The following DACT2 variants were observed in gnomAD, a reference collection of about 807,000 sequenced individuals.
The protein encoded by DACT2 is dishevelled binding antagonist of beta catenin 2.
Under a neutral mutation model 22.2 loss-of-function variants are expected in DACT2, and 20 were observed. The observed-to-expected ratio is 0.90, with a 90% confidence interval of 0.63 to 1.31. DACT2 has a LOEUF of 1.31. Among genes scored for constraint, DACT2 ranks in the 50% most tolerant of loss-of-function variants. The probability of loss-of-function intolerance (pLI) is 0.00; values close to 1 mark genes in which losing one functional copy is unlikely to be tolerated. For synonymous variants in DACT2, 463 were observed against 479.8 expected (o/e 0.96, Z 0.46); for missense variants, 1,048 against 1,061.4 (o/e 0.99, Z 0.18).
chr6:168,315,701 C>A (rs754975194), intron 1 of DACT2, among the ~76,000 whole-genome samples: 2 of 152,176 alleles, frequency 1.3e-5, no homozygotes, highest in African/African-American at 2.4e-5. Flanking sequence ...CTGTTTAAAT[C>A]CCTGCAAATG....
At chr6:168,312,267 C>T (rs1178353868) in intron 1 of DACT2, among the ~76,000 whole-genome samples, 1 of 151,948 alleles carries the variant, frequency 6.6e-6, no homozygotes, top group Admixed American at 6.6e-5. Flanking sequence ...GCGATCACGG[C>T]TCACTGCAGC....
At chr6:168,312,783 G>C (rs771624116) in intron 1 of DACT2, among the ~76,000 whole-genome samples, 1 of 152,154 alleles carries the variant, frequency 6.6e-6, no homozygotes, top group African/African-American at 2.4e-5. Context: ...CCATAACCTA[G>C]GCCTCAGGGA....
At chr6:168,298,775 G>C (rs977961715) in intron 3 of DACT2, 4 of 152,206 alleles carry the variant, frequency 2.6e-5, no homozygotes, top group Admixed American at 2.6e-4. Flanking sequence ...TTGGAAATAA[G>C]AAGCCTGAGG....
At chr6:168,298,863 T>C (rs1472039822) in intron 3 of DACT2, 1 of 152,224 alleles carries the variant, frequency 6.6e-6, no homozygotes, top group Non-Finnish European at 1.5e-5. Context: ...TTTGGTTCTT[T>C]TAGCTTTAAA....
At chr6:168,295,227 T>C (rs545494675) in intron 3 of DACT2, among the ~76,000 whole-genome samples, 1 of 152,376 alleles carries the variant, frequency 6.6e-6, no homozygotes, top group Non-Finnish European at 1.5e-5. Flanking sequence ...AGCCCACTTT[T>C]CCGCAGATAT....
chr6:168,304,836 C>T (rs1009222613), downstream of DACT2, among the ~76,000 whole-genome samples: 9 of 152,194 alleles, frequency 5.9e-5, no homozygotes, highest in African/African-American at 1.4e-4. Context: ...TGCCTGGTCC[C>T]GCAGAACACT....
Position 168,307,640 on chromosome 6 carries a change from C to A in DACT2, c.2117G>T (p.Gly706Val). 6.5e-7 allele frequency: 1 copy of A among 1,547,370 alleles called. No homozygotes were observed. The highest frequency in any genetic ancestry group is 8.7e-7 in the Non-Finnish European group (1 of 1,144,294). ...GTCACAGTCCCTGCTCTGGGCGCCG[C>A]CCTCCTCGTCGCTGCTGCTGGACTC... ...DRESSSSDEE[G>V]GAQSRDCDLA... The change falls in exon 4 of 4, where the codon GGC becomes GTC. Residue 706 changes from glycine to valine, a missense_variant. Gly to Val is a moderately radical substitution (Grantham distance 109). Transcript: ENST00000366795. The surrounding 1 kb of genome is among the most constrained non-coding windows in gnomAD (Gnocchi z 5.3).
At chr6:168,303,604 C>T (rs1395424079), downstream of DACT2, among the ~76,000 whole-genome samples, 2 of 152,178 alleles carry the variant, frequency 1.3e-5, no homozygotes, top group African/African-American at 2.4e-5. Context: ...AACTTTCCAG[C>T]CATGCATATC....
Position 168,309,061 on chromosome 6 carries a change from G to A in DACT2, c.696C>T (p.Leu232=). The change falls in exon 4 of 4, where the codon CTC becomes CTT. Residue 232 remains leucine, a synonymous_variant. Transcript: ENST00000366795. ...LDRALPADTG[L]QKASADAELL... is the part of the protein sequence containing the mutation. Reference sequence around the variant, plus strand: ...GCTCGGCGTCCGCGCTGGCTTTCTGGAGCCCCGTGTCCGCCGGCAGGGCTC... The same window carrying A: ...GCTCGGCGTCCGCGCTGGCTTTCTGAAGCCCCGTGTCCGCCGGCAGGGCTC... 6.5e-7 allele frequency: 1 copy of A among 1,538,362 alleles called. No individual in the cohort carries two copies. The highest frequency in any genetic ancestry group is 8.7e-7 in the Non-Finnish European group (1 of 1,144,508).
At position 168,307,814 on chromosome 6, in the gene DACT2, G is replaced by A; in HGVS notation, c.1943C>T (p.Pro648Leu). ...RAGGPLARGR[P>L]SLVRQDAYTR... ...GTAGGCGTCCTGGCGGACCAGTGAG[G>A]GACGGCCCCGGGCCAGTGGGCCACC... The change falls in exon 4 of 4, where the codon CCC becomes CTC. Residue 648 changes from proline to leucine, a missense_variant. Physicochemically the swap from Pro to Leu is moderately conservative, Grantham distance 98 (BLOSUM62 -3). Transcript: ENST00000366795. This position sits in a 1 kb window ranked among gnomAD's most constrained non-coding sequence, Gnocchi z 5.3. 1.3e-6 allele frequency: 2 copies of A among 1,540,068 alleles called. No homozygotes were observed. Among genetic ancestry groups the A allele is most frequent in the South Asian group, 2.4e-5 (2 of 83,818 alleles).
At chr6:168,306,809 TC>T (rs1336049253), downstream of DACT2, 1 of 889,874 alleles carries the variant, frequency 1.1e-6, no homozygotes, top group African/African-American at 1.8e-5. Context: ...TAAGATGCCT[TC>T]CCCGCCCAAA....
Position 168,319,624 on chromosome 6 carries a change from G to A in DACT2, c.10C>T (p.Pro4Ser). The A allele has an allele frequency of 7.7e-7, 1 of 1,298,456 alleles. No individual in the cohort carries two copies. Among genetic ancestry groups the A allele is most frequent in the Non-Finnish European group, 9.8e-7 (1 of 1,021,808 alleles). The allele number at this position is 1,298,456 out of a possible 1,614,324, so 80.4% of individuals were successfully genotyped here. The part of the protein sequence containing the change: MWT[P>S]GGPPGSAGWD... ...CCCGCGGACCCCGGGGGTCCGCCCG[G>A]CGTCCACATCTCCCGGGCAGGGTCC... The change falls in exon 1 of 4, where the codon CCG (proline) becomes TCG (serine). Residue 4 changes from proline (P) to serine (S), a missense_variant. Physicochemically the swap from Pro to Ser is moderately conservative, Grantham distance 74. Transcript: ENST00000366795.
intron 3 of DACT2, chr6:168,298,797 C>G (rs962738364): frequency 6.6e-6 from 1 of 152,324 alleles, no homozygotes; most frequent in Admixed American, 6.5e-5. Context: ...TAATTTCAGA[C>G]ACCTCCACGT....
chr6:168,309,523 C>T (rs893230753), intron 3 of DACT2, among the ~76,000 whole-genome samples: 28 of 74,470 alleles, frequency 3.8e-4, no homozygotes, highest in Non-Finnish European at 4.8e-4. Context: ...CTGCCCGTTG[C>T]GGGAGAGTGC....
intron 1 of DACT2, among the ~76,000 whole-genome samples, 175 bp from the exon 2 acceptor site, chr6:168,311,459 C>T (rs997812138): frequency 1.3e-5 from 2 of 152,076 alleles, no homozygotes; most frequent in African/African-American, 4.8e-5. Context: ...TTCCTTGTTC[C>T]ACTGTCACAA....
intron 1 of DACT2, among the ~76,000 whole-genome samples, chr6:168,316,299 G>A (rs968322616): frequency 3.1e-4 from 47 of 150,956 alleles, no homozygotes; most frequent in African/African-American, 1.1e-3. Context: ...GTCGTGTGCT[G>A]AGCTGAGGTC....
chr6:168,298,517 C>T (rs1016865947), intron 3 of DACT2: 33 of 152,224 alleles, frequency 2.2e-4, no homozygotes, highest in African/African-American at 8.0e-4. Context: ...TCCTGCCACC[C>T]TGTTATGCTT....
At chr6:168,300,592 G>A (rs530891844) in intron 3 of DACT2, 1 of 152,242 alleles carries the variant, frequency 6.6e-6, no homozygotes, top group South Asian at 2.1e-4. Flanking sequence ...TTAGGAGACT[G>A]TAGCCAAAAG....
At chr6:168,315,028 C>A (rs185439774) in intron 1 of DACT2, among the ~76,000 whole-genome samples, 2 of 152,276 alleles carry the variant, frequency 1.3e-5, no homozygotes, top group East Asian at 3.9e-4. Context: ...CAAGCACAGC[C>A]GGCCCAAGAA....
Sources: allele counts gnomAD v4.1 joint callset (sites outside exome capture counted in the v4.1 genomes callset), GRCh38; gene constraint gnomAD v4.1.1; non-coding constraint Gnocchi (gnomAD v3.1); transcripts MANE v1.5; gene names NCBI Gene and HGNC (gene_info 2026-07-23, HGNC 2026-07-21).